Variants in NLGN1 observed in about 807,000 individuals in gnomAD.
NLGN1 encodes the protein neuroligin 1.
A neutral mutation model predicts 65.5 loss-of-function variants in NLGN1; 12 were observed. That is an observed-to-expected ratio of 0.18 (90% CI 0.12 to 0.30). The LOEUF is 0.30. Among genes scored for constraint, NLGN1 ranks in the 10% least tolerant of loss-of-function variants. The probability of loss-of-function intolerance (pLI) is 1.00; values close to 1 mark genes in which losing one functional copy is unlikely to be tolerated. For synonymous variants in NLGN1, 350 were observed against 359.5 expected, an observed-to-expected ratio of 0.97 and a Z score of 0.30; for missense variants, 750 against 1,007.1, an observed-to-expected ratio of 0.74 and a Z score of 3.46.
At chr3:174,045,644 T>C (rs1733398572) in intron 4 of NLGN1, among the ~76,000 whole-genome samples, 1 of 152,182 alleles carries the variant, frequency 6.6e-6, no homozygotes, top group African/African-American at 2.4e-5. Flanking sequence ...TTCTACTACA[T>C]AGAAAATAAG....
intron 4 of NLGN1, among the ~76,000 whole-genome samples, chr3:174,037,825 A>G (rs1053930834): frequency 6.6e-6 from 1 of 152,162 alleles, no homozygotes; most frequent in Non-Finnish European, 1.5e-5. Flanking sequence ...GGCTTTGAGC[A>G]TATTAGTTGG....
intron 4 of NLGN1, among the ~76,000 whole-genome samples, chr3:173,916,711 C>G (rs2152244989): frequency 6.6e-6 from 1 of 152,160 alleles, no homozygotes; most frequent in Middle Eastern, 3.4e-3. Flanking sequence ...TATAAAAGTG[C>G]TTAAATTTGA....
intron 3 of NLGN1, among the ~76,000 whole-genome samples, chr3:173,640,904 T>A (rs557046595): frequency 1.3e-5 from 2 of 152,340 alleles, no homozygotes; most frequent in Admixed American, 6.5e-5. Flanking sequence ...AGAAAGCAAA[T>A]CATATCAGGG....
At chr3:173,512,332 A>G (rs1026120406) in intron 2 of NLGN1, among the ~76,000 whole-genome samples, 1 of 152,134 alleles carries the variant, frequency 6.6e-6, no homozygotes, top group Non-Finnish European at 1.5e-5. Context: ...AAAGATGGTG[A>G]ATGTGGAGAA....
chr3:173,862,527 A>G (rs865957692), intron 4 of NLGN1, among the ~76,000 whole-genome samples: 1,677 of 148,358 alleles, frequency 0.011, 10 homozygotes, highest in African/African-American at 0.04. Flanking sequence ...AAAAAAAAAA[A>G]AAAGAAAATG....
intron 3 of NLGN1, among the ~76,000 whole-genome samples, chr3:173,689,221 T>C (rs1765109056): frequency 1.3e-5 from 2 of 152,170 alleles, no homozygotes; most frequent in Non-Finnish European, 2.9e-5. Context: ...GGGACTGTGC[T>C]TGCAGCATGG....
chr3:174,071,815 G>A (rs1739947513), intron 4 of NLGN1, among the ~76,000 whole-genome samples: 1 of 151,598 alleles, frequency 6.6e-6, no homozygotes, highest in Non-Finnish European at 1.5e-5. Flanking sequence ...TATTTATTAT[G>A]TACATGTTTT....
chr3:173,837,140 T>C (rs568891776), intron 4 of NLGN1, among the ~76,000 whole-genome samples: 92 of 152,294 alleles, frequency 6.0e-4, no homozygotes, highest in African/African-American at 2.1e-3. Flanking sequence ...AATTTTCTTC[T>C]TTTTCCCCAA....
At chr3:173,952,732 A>AT (rs1312555355) in intron 4 of NLGN1, among the ~76,000 whole-genome samples, 5 of 147,564 alleles carry the variant, frequency 3.4e-5, no homozygotes, top group Admixed American at 1.3e-4. Context: ...CCTTCATTTT[A>AT]TTTTTTTATC....
chr3:173,523,700 A>G (rs1702946730), intron 2 of NLGN1, among the ~76,000 whole-genome samples: 1 of 151,078 alleles, frequency 6.6e-6, no homozygotes, highest in Admixed American at 6.6e-5. Context: ...ATGCCTCCAG[A>G]TTTTTTCTTA....
At chr3:173,565,766 T>TAGAG (rs1743551879) in intron 2 of NLGN1, among the ~76,000 whole-genome samples, 1 of 152,132 alleles carries the variant, frequency 6.6e-6, no homozygotes, top group Non-Finnish European at 1.5e-5. Flanking sequence ...ACAGAAATAT[T>TAGAG]CTGAGACCTG....
At chr3:174,232,851 G>C (rs1444454449) in intron 4 of NLGN1, among the ~76,000 whole-genome samples, 1 of 152,192 alleles carries the variant, frequency 6.6e-6, no homozygotes, top group East Asian at 1.9e-4. Context: ...ACTCTCAAAA[G>C]AGAAAGGAAC....
At chr3:173,807,277 A>G (rs927681761) in intron 3 of NLGN1, among the ~76,000 whole-genome samples, 1 of 152,174 alleles carries the variant, frequency 6.6e-6, no homozygotes, top group African/African-American at 2.4e-5. Flanking sequence ...CAACAGCAAT[A>G]ATACCATTGT....
intron 4 of NLGN1, among the ~76,000 whole-genome samples, chr3:173,994,465 CAA>C (rs1170577220): frequency 4.6e-4 from 15 of 32,914 alleles, no homozygotes; most frequent in South Asian, 2.1e-3. Context: ...TTGAGAAAAG[CAA>C]AAAAAAAAAA....
chr3:174,185,395 C>A (rs1731208212), intron 4 of NLGN1, among the ~76,000 whole-genome samples: 2 of 152,034 alleles, frequency 1.3e-5, no homozygotes, highest in Admixed American at 1.3e-4. Flanking sequence ...ACAAATACGG[C>A]CACTGAACGC....
chr3:174,030,122 CTTTT>C (rs3979617), intron 4 of NLGN1, among the ~76,000 whole-genome samples: 7 of 118,342 alleles, frequency 5.9e-5, no homozygotes, highest in African/African-American at 1.0e-4. Context: ...TTTAAGTTAG[CTTTT>C]TTTTTTTTTT....
rs796169913 is a variant in NLGN1 at position 174,209,623 on chromosome 3, C to CTTTT, written c.647-65669_647-65666dup. Among the ~76,000 whole-genome samples the CTTTT allele has an allele frequency of 6.3e-3, 519 of 82,102 alleles. 25 individuals carry two copies. Among genetic ancestry groups the CTTTT allele is most frequent in the East Asian group, 0.011 (35 of 3,188 alleles). The allele number at this position is 82,102 out of a possible 152,430, so 53.9% of individuals were successfully genotyped here. Reference sequence around the variant, plus strand: ...CCCTGGTGTCTATCAACCTTTCTTTCTTTTTTTTTTTTTTTTTTTTTTTTT... The same window carrying CTTTT: ...CCCTGGTGTCTATCAACCTTTCTTTCTTTTTTTTTTTTTTTTTTTTTTTTTTTTT... On this transcript the variant is annotated intron_variant, in intron 4 of 6. Coordinates refer to ENST00000457714, the Ensembl canonical transcript of NLGN1.
chr3:173,412,921 G>T (rs1489303980), intron 1 of NLGN1, among the ~76,000 whole-genome samples: 1 of 152,088 alleles, frequency 6.6e-6, no homozygotes, highest in Non-Finnish European at 1.5e-5. Flanking sequence ...TGCTTTCTTA[G>T]GTCGCTTTCC....
At chr3:174,082,333 C>A (rs1742402889) in intron 4 of NLGN1, among the ~76,000 whole-genome samples, 1 of 151,964 alleles carries the variant, frequency 6.6e-6, no homozygotes, top group South Asian at 2.1e-4. Context: ...CTACTTAGAT[C>A]ATTGGGCTAG....
Sources: gnomAD v4.1 joint callset for allele counts (sites outside exome capture counted in the v4.1 genomes callset) on GRCh38, gnomAD v4.1.1 for gene constraint, MANE v1.5 for transcripts, NCBI Gene and HGNC (gene_info 2026-07-23, HGNC 2026-07-21) for gene names.